Variants in FAM227B observed in about 807,000 individuals in gnomAD.
FAM227B encodes family with sequence similarity 227 member B, also known as protein FAM227B.
FAM227B carries 88 observed loss-of-function variants against 73.8 expected under a neutral mutation model. The ratio of observed to expected loss-of-function variants is 1.19; its 90% confidence interval spans 1.00 to 1.42. The LOEUF (loss-of-function observed/expected upper bound fraction) is 1.42, where lower values mean the gene tolerates loss of function less well. FAM227B is among the 40% of genes most tolerant of loss of function. The pLI is 0.00. For synonymous variants in FAM227B, 210 were observed against 190.5 expected (o/e 1.10, Z -0.84); for missense variants, 632 against 590.9 (o/e 1.07, Z -0.72).
rs528985855 is a variant in FAM227B, at chr15:49,363,013, T to C, written c.1271+4435A>G. Among the ~76,000 whole-genome samples the C allele has an allele frequency of 6.6e-5, 10 of 152,378 alleles. No individual in the cohort carries two copies. The South Asian group carries it at 2.1e-3, about 32-fold the overall frequency. On this transcript the variant is annotated intron_variant, in intron 13 of 15. Coordinates refer to ENST00000299338, the MANE Select transcript of FAM227B (RefSeq NM_152647.3). Reference sequence around the variant, plus strand: ...GCTTTCATATCAGTGCCATGCTGTTTTGGTTACTGTAGCCTTGTAGTGGAA... The same window carrying C: ...GCTTTCATATCAGTGCCATGCTGTTCTGGTTACTGTAGCCTTGTAGTGGAA...
intron 11 of FAM227B, among the ~76,000 whole-genome samples, chr15:49,468,944 G>A (rs1030226499): frequency 9.2e-5 from 14 of 151,998 alleles, no homozygotes; most frequent in Admixed American, 7.2e-4. Flanking sequence ...AGTCAATTTT[G>A]AATAACATGC....
At chr15:49,551,849 A>G (rs565757792) in intron 9 of FAM227B, among the ~76,000 whole-genome samples, 46 of 152,000 alleles carry the variant, frequency 3.0e-4, no homozygotes, top group Non-Finnish European at 5.4e-4. Context: ...TACTATTTCC[A>G]TAAACAAACT....
intron 4 of FAM227B, among the ~76,000 whole-genome samples, chr15:49,589,203 G>C (rs12901631): frequency 0.052 from 7,971 of 152,056 alleles, 357 homozygotes; most frequent in East Asian, 0.23. Context: ...CTAGAAACTA[G>C]CCTGAGAGCC....
intron 11 of FAM227B, chr15:49,488,526 T>G (rs1404082287): frequency 6.6e-6 from 1 of 151,988 alleles, no homozygotes; most frequent in African/African-American, 2.4e-5. Context: ...ATATTTACTC[T>G]CATCTGGGAA....
At chr15:49,506,989 A>G (rs985816883) in intron 11 of FAM227B, among the ~76,000 whole-genome samples, 4 of 152,066 alleles carry the variant, frequency 2.6e-5, no homozygotes, top group Non-Finnish European at 4.4e-5. Context: ...CAATTTAGTT[A>G]TTCATATGTG....
rs1567529522 is a variant in FAM227B at position 49,541,711 on chromosome 15, ATCT to A, written c.840_842del (p.Glu280del). 2 of 1,521,846 alleles carry A rather than the reference ATCT, an allele frequency of 1.3e-6. No homozygotes were observed. The highest frequency in any genetic ancestry group is 1.8e-6 in the Non-Finnish European group (2 of 1,135,532). The allele number at this position is 1,521,846 out of a possible 1,614,324, so 94.3% of individuals were successfully genotyped here. On this transcript the variant is annotated inframe_deletion, in exon 10 of 16. Transcript: ENST00000299338. Reference sequence around the variant, plus strand: ...ACCAAAGAAAAATGTTATTCCCTAGATCTTCTTTAAATTCATCATTAAAGAGGT... The same window carrying A: ...ACCAAAGAAAAATGTTATTCCCTAGATCTTTAAATTCATCATTAAAGAGGT...
intron 2 of FAM227B, among the ~76,000 whole-genome samples, chr15:49,614,020 A>G (rs1010529833): frequency 1.3e-5 from 2 of 152,262 alleles, no homozygotes; most frequent in African/African-American, 4.8e-5. Context: ...ACAAATATAC[A>G]GAATCAAACT....
intron 9 of FAM227B, among the ~76,000 whole-genome samples, chr15:49,563,214 G>A (rs902730548): frequency 6.6e-6 from 1 of 151,956 alleles, no homozygotes; most frequent in Non-Finnish European, 1.5e-5. Flanking sequence ...TTAAAGCTGA[G>A]AGCCAAATTA....
rs2037737537 is a variant in FAM227B, at chr15:49,327,579, T to TTTTA, written c.*985_*988dup. On this transcript the variant is annotated 3_prime_UTR_variant, in exon 16 of 16. Coordinates refer to ENST00000299338, the MANE Select transcript of FAM227B (RefSeq NM_152647.3). ...TCTGATTCAGGGTTGCCTACATTTCTTTTACCATTGCCTGTTTTATCTTAA... is the reference window on the plus strand; with the variant it reads ...TCTGATTCAGGGTTGCCTACATTTCTTTTATTTACCATTGCCTGTTTTATCTTAA... 6.3e-6 allele frequency: 1 copy of TTTTA among 159,436 alleles called. No homozygotes were observed. Among genetic ancestry groups the TTTTA allele is most frequent in the Non-Finnish European group, 1.4e-5 (1 of 73,082 alleles). The allele number at this position is 159,436 out of a possible 1,614,324, so 9.9% of individuals were successfully genotyped here.
chr15:49,613,793 A>G (rs1418954244), intron 2 of FAM227B, among the ~76,000 whole-genome samples: 5 of 152,138 alleles, frequency 3.3e-5, no homozygotes, highest in Admixed American at 6.5e-5. Flanking sequence ...AAAATTTGAA[A>G]AAGGAAAGCA....
intron 11 of FAM227B, among the ~76,000 whole-genome samples, chr15:49,411,811 A>C (rs1346987309): frequency 6.6e-6 from 1 of 152,148 alleles, no homozygotes; most frequent in Non-Finnish European, 1.5e-5. Context: ...TTTGAATTCA[A>C]ACTTGTCTTT....
At chr15:49,361,031 A>G (rs946244625) in intron 13 of FAM227B, among the ~76,000 whole-genome samples, 1 of 152,076 alleles carries the variant, frequency 6.6e-6, no homozygotes, top group Non-Finnish European at 1.5e-5. Context: ...GGGTTGCGGA[A>G]TAGGGAGGTT....
chr15:49,597,918 C>T (rs1314729496), intron 3 of FAM227B, among the ~76,000 whole-genome samples: 2 of 151,436 alleles, frequency 1.3e-5, no homozygotes, highest in African/African-American at 4.8e-5. Context: ...ATAGATTAAA[C>T]CAGGAAAAAA....
chr15:49,442,709 T>G (rs2051785966), intron 11 of FAM227B, among the ~76,000 whole-genome samples: 1 of 151,736 alleles, frequency 6.6e-6, no homozygotes, highest in South Asian at 2.1e-4. Flanking sequence ...TCTACTAGCA[T>G]GGTTATTTAA....
chr15:49,366,224 T>C (rs969714279), intron 13 of FAM227B: 2 of 788,080 alleles, frequency 2.5e-6, no homozygotes, highest in Non-Finnish European at 4.7e-6. Flanking sequence ...AGTAATGTTA[T>C]TTCCTAGAGT....
chr15:49,415,986 C>T (rs2049183358), intron 11 of FAM227B, among the ~76,000 whole-genome samples: 1 of 152,088 alleles, frequency 6.6e-6, no homozygotes, highest in South Asian at 2.1e-4. Flanking sequence ...TATATTAATA[C>T]TTAGAATAAA....
chr15:49,495,422 G>A (rs1029504048), intron 11 of FAM227B, among the ~76,000 whole-genome samples: 1 of 152,040 alleles, frequency 6.6e-6, no homozygotes, highest in Non-Finnish European at 1.5e-5. Flanking sequence ...TATTCACTCT[G>A]CTTCTGTTCA....
chr15:49,407,837 G>C (rs544422395), intron 11 of FAM227B, among the ~76,000 whole-genome samples: 9 of 151,942 alleles, frequency 5.9e-5, no homozygotes, highest in African/African-American at 2.2e-4. Context: ...TTTCATGCCC[G>C]GTTGTTGTCA....
intron 11 of FAM227B, among the ~76,000 whole-genome samples, chr15:49,410,957 T>TAA (rs1567228776): frequency 7.7e-6 from 1 of 130,040 alleles, no homozygotes; most frequent in African/African-American, 3.1e-5. Flanking sequence ...AAAAAGCATT[T>TAA]GAGAGTGTGT....
Sources: gnomAD v4.1 joint callset for allele counts (sites outside exome capture counted in the v4.1 genomes callset) on GRCh38, gnomAD v4.1.1 for gene constraint, MANE v1.5 for transcripts, NCBI Gene and HGNC (gene_info 2026-07-23, HGNC 2026-07-21) for gene names.